ANK3: variants seen among roughly 807,000 people sequenced by gnomAD.
ANK3 encodes the protein ankyrin-3.
In ANK3, 57 loss-of-function variants were observed where a neutral mutation model predicts 370.9. The ratio of observed to expected loss-of-function variants is 0.15; its 90% CI spans 0.12 to 0.19. ANK3 has a LOEUF of 0.19. ANK3 is among the 10% of genes least tolerant of loss of function. The probability of loss-of-function intolerance (pLI) is 1.00; values close to 1 mark genes in which losing one functional copy is unlikely to be tolerated. For missense variants in ANK3, 4,439 were observed against 5,302.1 expected (o/e 0.84, Z 5.06); for synonymous variants, 1,929 against 1,946.3 (o/e 0.99, Z 0.23).
At position 60,072,542 on chromosome 10, in the gene ANK3, A is replaced by T; in HGVS notation, c.8339T>A (p.Val2780Glu). ...AIDLPDESVS[V>E]QKDFMVLKTK... ...TTTTAATACCATAAAATCTTTTTGC[A>T]CAGATACACTTTCATCTGGGAGGTC... The change falls in exon 37 of 44, where the codon GTG (valine) becomes GAG (glutamate). Residue 2780 changes from valine to glutamate, a missense_variant. By Grantham distance (121) the Val-to-Glu change is moderately radical. Transcript: ENST00000280772. The T allele has an allele frequency of 6.2e-7, 1 of 1,613,410 alleles. No homozygotes were observed. Among genetic ancestry groups the T allele is most frequent in the East Asian group, 2.2e-5 (1 of 44,880 alleles).
rs1490566960 is a variant in ANK3, at chr10:60,226,490, CATATACT to C, written c.897+8191_897+8197del. ...ACATAGTATATATACTATATATATA[CATATACT>C]ATAGTATATATACATAGTATATATA... On this transcript the variant is annotated intron_variant, in intron 8 of 43. Transcript: ENST00000280772. 4.7e-5 allele frequency among the ~76,000 whole-genome samples: 3 copies of C among 63,412 alleles called. 1 individual carries two copies. Among genetic ancestry groups the C allele is most frequent in the Non-Finnish European group, 7.6e-5 (3 of 39,412 alleles). The allele number at this position is 63,412 out of a possible 152,430, so 41.6% of individuals were successfully genotyped here.
chr10:60,580,954 G>A (rs2393671), intron 2 of ANK3, among the ~76,000 whole-genome samples: 72,287 of 152,026 alleles, frequency 0.48, 17,599 homozygotes, highest in Non-Finnish European at 0.52. Context: ...AACTTTTATC[G>A]TCTTTGAAAA....
chr10:60,559,222 T>C (rs1322617933), intron 2 of ANK3, among the ~76,000 whole-genome samples: 1 of 152,258 alleles, frequency 6.6e-6, no homozygotes, highest in Non-Finnish European at 1.5e-5. Flanking sequence ...ACCCAAGCAG[T>C]GTACACTGTA....
intron 8 of ANK3, among the ~76,000 whole-genome samples, chr10:60,223,326 C>T (rs2097092367): frequency 6.6e-6 from 1 of 152,214 alleles, no homozygotes; most frequent in East Asian, 1.9e-4. Context: ...AAATTCCCAC[C>T]TTTCCTTGCT....
chr10:60,732,848 G>T (rs1188897058), intron 1 of ANK3, among the ~76,000 whole-genome samples: 3 of 151,962 alleles, frequency 2.0e-5, no homozygotes, highest in Admixed American at 6.5e-5. Flanking sequence ...CTTAGGAAAG[G>T]TTCAGCCTGG....
chr10:60,361,411 T>C (rs1164400214), intron 1 of ANK3, among the ~76,000 whole-genome samples: 1 of 152,226 alleles, frequency 6.6e-6, no homozygotes, highest in African/African-American at 2.4e-5. Flanking sequence ...AACCACTTCT[T>C]CAAAGTTTCT....
At chr10:60,526,585 G>C (rs1361953869) in intron 2 of ANK3, among the ~76,000 whole-genome samples, 1 of 152,106 alleles carries the variant, frequency 6.6e-6, no homozygotes, top group Non-Finnish European at 1.5e-5. Context: ...AAAAGGCATT[G>C]TGGTAGGAAT....
At chr10:60,602,543 T>C (rs564621778) in intron 2 of ANK3, among the ~76,000 whole-genome samples, 3 of 152,254 alleles carry the variant, frequency 2.0e-5, no homozygotes, top group African/African-American at 7.2e-5. Context: ...CATAACCTCA[T>C]TTTAATATTA....
intron 23 of ANK3, among the ~76,000 whole-genome samples, chr10:60,166,092 T>C (rs1353770708): frequency 6.6e-6 from 1 of 151,470 alleles, no homozygotes; most frequent in Non-Finnish European, 1.5e-5. Context: ...TTATTGAAAA[T>C]TTCTATTTCA....
intron 2 of ANK3, among the ~76,000 whole-genome samples, chr10:60,421,209 A>G (rs2063771421): frequency 6.6e-6 from 1 of 152,114 alleles, no homozygotes; most frequent in Non-Finnish European, 1.5e-5. Context: ...TTAATAATAG[A>G]GTTTATGTTT....
At chr10:60,326,090 G>A (rs2049788796) in intron 1 of ANK3, among the ~76,000 whole-genome samples, 1 of 151,994 alleles carries the variant, frequency 6.6e-6, no homozygotes, top group Non-Finnish European at 1.5e-5. Context: ...GAACACATAG[G>A]CACAGAGAGG....
At chr10:60,597,459 C>T (rs954187070) in intron 2 of ANK3, among the ~76,000 whole-genome samples, 1 of 152,156 alleles carries the variant, frequency 6.6e-6, no homozygotes, top group African/African-American at 2.4e-5. Context: ...ATGTATTTAG[C>T]AGCCTCTCTG....
intron 1 of ANK3, among the ~76,000 whole-genome samples, chr10:60,373,055 T>A (rs886124106): frequency 2.0e-5 from 3 of 152,350 alleles, no homozygotes; most frequent in Admixed American, 6.5e-5. Context: ...TCATATGAAT[T>A]TGAGTAAAAA....
rs1404665687 is a variant in ANK3, at chr10:60,693,337, T to C, written c.57+39926A>G. 2.6e-5 allele frequency among the ~76,000 whole-genome samples: 4 copies of C among 152,218 alleles called. No individual in the cohort carries two copies. In the East Asian group the frequency reaches 7.7e-4, roughly 29 times the overall value. ...GAGGCTGGGGGAGGGGCGCCCGCCA[T>C]TGCCCAGGCTTGCTTAGGTAAACAA... On this transcript the variant is annotated intron_variant, in intron 1 of 43. Transcript: ENST00000373827.
intron 8 of ANK3, among the ~76,000 whole-genome samples, chr10:60,229,692 T>A (rs2097212091): frequency 6.6e-6 from 1 of 152,178 alleles, no homozygotes; most frequent in South Asian, 2.1e-4. Flanking sequence ...GCCATTAACT[T>A]CAGTGGAAAA....
intron 2 of ANK3, among the ~76,000 whole-genome samples, chr10:60,396,816 A>G (rs2063249543): frequency 6.6e-6 from 1 of 152,222 alleles, no homozygotes; most frequent in African/African-American, 2.4e-5. Context: ...GAGACCTTAC[A>G]GAGACCTTAT....
chr10:60,111,787 C>T (rs1161882638), intron 26 of ANK3: 1 of 455,448 alleles, frequency 2.2e-6, no homozygotes, highest in South Asian at 1.6e-5. Context: ...ATTTAGAAAG[C>T]AAATGGGAAG....
At position 60,189,251 on chromosome 10, in the gene ANK3, T is replaced by C. The variant is rs192649993; in HGVS notation, c.1888-2339A>G. On this transcript the variant is annotated intron_variant, in intron 16 of 43. Transcript: ENST00000280772. ...TGCATGCCTGTAGTCTCAGCTACTT[T>C]AGAGGCTGAGCCAGGAGGATCACTT... 3.7e-4 allele frequency among the ~76,000 whole-genome samples: 56 copies of C among 152,206 alleles called. No homozygotes were observed. The South Asian group carries it at 4.6e-3, about 12-fold the overall frequency.
chr10:60,623,445 G>C (rs73271546), intron 1 of ANK3, among the ~76,000 whole-genome samples: 2,535 of 152,266 alleles, frequency 0.017, 63 homozygotes, highest in African/African-American at 0.057. Context: ...CAGATAGATA[G>C]CAAGGGGAAA....
Sources: gnomAD v4.1 joint callset for allele counts (sites outside exome capture counted in the v4.1 genomes callset) on GRCh38, gnomAD v4.1.1 for gene constraint, MANE v1.5 for transcripts, NCBI Gene and HGNC (gene_info 2026-07-23, HGNC 2026-07-21) for gene names.